Variants in CBLB observed in about 807,000 individuals in gnomAD.
CBLB encodes Cbl proto-oncogene B, also known as E3 ubiquitin-protein ligase CBL-B.
CBLB carries 31 observed loss-of-function variants against 104.9 expected under a neutral mutation model. The ratio of observed to expected loss-of-function variants is 0.30; its 90% CI spans 0.22 to 0.40. The LOEUF is 0.40. Ranked by LOEUF, CBLB falls within the 10% of genes least tolerant of loss-of-function variation. The pLI is 1.00. For missense variants in CBLB, 1,062 were observed against 1,214.6 expected (o/e 0.87, Z 1.87); for synonymous variants, 440 against 422.6 (o/e 1.04, Z -0.51).
At chr3:105,740,658 A>T (rs367961034) in intron 6 of CBLB, 27 bp from the exon 7 acceptor site, 1 of 1,590,960 alleles carries the variant, frequency 6.3e-7, no homozygotes, top group South Asian at 1.1e-5. Flanking sequence ...AATTACATCT[A>T]ATTACATTCA....
chr3:105,780,165 A>G (rs570032472), intron 3 of CBLB, among the ~76,000 whole-genome samples: 6 of 142,408 alleles, frequency 4.2e-5, no homozygotes, highest in African/African-American at 1.5e-4. Flanking sequence ...ATACCCATTT[A>G]AAAAAAAAAA....
Position 105,768,054 on chromosome 3 carries a change from C to T in CBLB, c.566+8342G>A, listed in dbSNP as rs200687146. Among the ~76,000 whole-genome samples the T allele has an allele frequency of 5.3e-5, 8 of 152,224 alleles. No individual in the cohort carries two copies. In the East Asian group the frequency reaches 1.5e-3, roughly 29 times the overall value. On this transcript the variant is annotated intron_variant, in intron 4 of 18. Transcript: ENST00000394030. ...TTAAATGTACAATGGTTCCTGAAAG[C>T]CTGTATATAAAACATTGTGCTGAGC...
intron 3 of CBLB, among the ~76,000 whole-genome samples, chr3:105,782,819 A>C (rs749572981): frequency 6.6e-6 from 1 of 151,638 alleles, no homozygotes; most frequent in Non-Finnish European, 1.5e-5. Context: ...TGATCTGCCC[A>C]CCTCGGCCTC....
intron 14 of CBLB, among the ~76,000 whole-genome samples, chr3:105,683,269 T>C (rs898553651): frequency 2.6e-5 from 4 of 152,126 alleles, no homozygotes; most frequent in African/African-American, 7.2e-5. Flanking sequence ...GGGGGAAAAA[T>C]ACACACAGGG....
intron 4 of CBLB, among the ~76,000 whole-genome samples, chr3:105,755,941 T>A (rs1381022421): frequency 6.6e-6 from 1 of 152,214 alleles, no homozygotes; most frequent in Non-Finnish European, 1.5e-5. Flanking sequence ...GGGATACTAC[T>A]AAATGGAAAT....
intron 3 of CBLB, among the ~76,000 whole-genome samples, chr3:105,811,901 A>C (rs1443746073): frequency 6.6e-6 from 1 of 152,130 alleles, no homozygotes; most frequent in African/African-American, 2.4e-5. Flanking sequence ...ACGAGGTTTC[A>C]CCATGTTGAC....
At chr3:105,765,794 T>C (rs904346571) in intron 4 of CBLB, among the ~76,000 whole-genome samples, 1 of 152,288 alleles carries the variant, frequency 6.6e-6, no homozygotes, top group East Asian at 1.9e-4. Flanking sequence ...CCCAAAAGAT[T>C]TGATGGAGAT....
At chr3:105,819,725 T>A (rs111589858) in intron 3 of CBLB, among the ~76,000 whole-genome samples, 3 of 152,166 alleles carry the variant, frequency 2.0e-5, no homozygotes, top group African/African-American at 7.2e-5. Context: ...CTGTCTTACA[T>A]AGAGAGTCTC....
chr3:105,781,962 C>T (rs1326947675), intron 3 of CBLB, among the ~76,000 whole-genome samples: 1 of 152,174 alleles, frequency 6.6e-6, no homozygotes, highest in Admixed American at 6.5e-5. Context: ...ATGAAACTCA[C>T]ATCCAGCTAA....
intron 3 of CBLB, among the ~76,000 whole-genome samples, chr3:105,827,030 G>A (rs1472686226): frequency 6.6e-6 from 1 of 152,108 alleles, no homozygotes; most frequent in Non-Finnish European, 1.5e-5. Flanking sequence ...CACAAATACA[G>A]GGCTTTGAAA....
intron 16 of CBLB, 55 bp downstream of exon 16, chr3:105,681,424 C>A (rs1315861656): frequency 6.3e-7 from 1 of 1,579,924 alleles, no homozygotes; most frequent in Non-Finnish European, 8.7e-7. Context: ...TCTGAAAATT[C>A]TGAAATTAAA....
chr3:105,869,282 A>G, upstream of CBLB: 1 of 960,286 alleles, frequency 1.0e-6, no homozygotes, highest in Non-Finnish European at 1.5e-6. Flanking sequence ...CCGGGAACGA[A>G]AGTGGAAACG....
chr3:105,825,269 GA>G (rs570123598), intron 3 of CBLB, among the ~76,000 whole-genome samples: 44 of 152,224 alleles, frequency 2.9e-4, no homozygotes, highest in African/African-American at 1.0e-3. Context: ...CAAGAATTTA[GA>G]ACCAGAGTGG....
At chr3:105,799,174 G>GAAAAAAA (rs1471114207) in intron 3 of CBLB, among the ~76,000 whole-genome samples, 1 of 35,120 alleles carries the variant, frequency 2.8e-5, no homozygotes, top group African/African-American at 1.3e-4. Flanking sequence ...TAATGACAAA[G>GAAAAAAA]AACAAAAAAA....
intron 6 of CBLB, among the ~76,000 whole-genome samples, chr3:105,742,531 T>G (rs2075712406): frequency 6.6e-6 from 1 of 152,172 alleles, no homozygotes; most frequent in African/African-American, 2.4e-5. Flanking sequence ...TGTCAACTAT[T>G]GGCATTCTTA....
chr3:105,754,219 CA>C (rs952152096), intron 4 of CBLB, among the ~76,000 whole-genome samples: 12 of 151,818 alleles, frequency 7.9e-5, no homozygotes, highest in South Asian at 2.1e-4. Flanking sequence ...TAAAAACAAA[CA>C]AAAAAATTAG....
intron 3 of CBLB, among the ~76,000 whole-genome samples, chr3:105,807,858 G>A (rs539064680): frequency 6.6e-6 from 1 of 152,284 alleles, no homozygotes; most frequent in African/African-American, 2.4e-5. Context: ...GATAAGTAAA[G>A]GAACTCAGAG....
At chr3:105,802,050 A>T (rs2082939596) in intron 3 of CBLB, among the ~76,000 whole-genome samples, 1 of 152,212 alleles carries the variant, frequency 6.6e-6, no homozygotes, top group African/African-American at 2.4e-5. Flanking sequence ...AACTCACTGA[A>T]TCACTGTAAT....
At chr3:105,781,456 T>A (rs940380634) in intron 3 of CBLB, among the ~76,000 whole-genome samples, 3 of 152,036 alleles carry the variant, frequency 2.0e-5, no homozygotes, top group Admixed American at 1.3e-4. Context: ...TCATATAGTA[T>A]GAAACAAAAA....
Sources: gnomAD v4.1 joint callset for allele counts (sites outside exome capture counted in the v4.1 genomes callset) on GRCh38, gnomAD v4.1.1 for gene constraint, MANE v1.5 for transcripts, NCBI Gene and HGNC (gene_info 2026-07-23, HGNC 2026-07-21) for gene names.